Variants in CWC27 observed in about 807,000 individuals in gnomAD.
The protein encoded by CWC27 is spliceosome-associated protein CWC27 homolog.
CWC27 carries 47 observed loss-of-function variants against 63.6 expected under a neutral mutation model. The observed-to-expected ratio is 0.74, with a 90% CI of 0.58 to 0.94. The LOEUF (loss-of-function observed/expected upper bound fraction) is 0.94. Among genes scored for constraint, CWC27 ranks in the 40% least tolerant of loss-of-function variants. CWC27 has a pLI of 0.00. For synonymous variants in CWC27, 175 were observed against 179.8 expected (o/e 0.97, Z 0.22); for missense variants, 495 against 554.3 (o/e 0.89, Z 1.07).
chr5:64,954,679 A>G (rs1277458150), intron 11 of CWC27, among the ~76,000 whole-genome samples: 1 of 135,704 alleles, frequency 7.4e-6, no homozygotes, highest in Non-Finnish European at 1.5e-5. Flanking sequence ...GCTTCTACCT[A>G]TAACATATAT....
intron 11 of CWC27, among the ~76,000 whole-genome samples, chr5:64,908,640 G>C (rs7737812): frequency 0.095 from 14,442 of 152,132 alleles, 2,095 homozygotes; most frequent in African/African-American, 0.31. Context: ...CTATGTAATG[G>C]CCTTCTTTGT....
intron 10 of CWC27, among the ~76,000 whole-genome samples, chr5:64,838,065 C>G (rs1305210156): frequency 2.0e-5 from 3 of 152,122 alleles, no homozygotes; most frequent in Non-Finnish European, 1.5e-5. Flanking sequence ...TAGTGTTGGT[C>G]ATATAGTTGA....
At position 64,769,279 on chromosome 5, in the gene CWC27, TG is replaced by T. The variant is rs1743153031; in HGVS notation, c.42+93del. On this transcript the variant is annotated intron_variant, in intron 1 of 13. Transcript: ENST00000381070. ...GTGGGGAGTGGGTTTCAGGATCTCGTGGTAGGAAGAGACCACGAGAAGTGTT... is the reference window on the plus strand; with the variant it reads ...GTGGGGAGTGGGTTTCAGGATCTCGTGTAGGAAGAGACCACGAGAAGTGTT... The T allele has an allele frequency of 3.5e-6, 4 of 1,149,460 alleles. No individual in the cohort carries two copies. In the East Asian group the frequency reaches 9.4e-5, roughly 27 times the overall value. 71.2% of individuals were successfully genotyped at this position (1,149,460 alleles called of 1,614,324 possible).
intron 11 of CWC27, among the ~76,000 whole-genome samples, chr5:64,964,745 C>A (rs1748981404): frequency 6.6e-6 from 1 of 152,102 alleles, no homozygotes; most frequent in Non-Finnish European, 1.5e-5. Flanking sequence ...TAATAGACAA[C>A]CCTTAAAATA....
intron 10 of CWC27, among the ~76,000 whole-genome samples, chr5:64,863,542 C>T (rs1265816563): frequency 1.3e-5 from 2 of 151,986 alleles, no homozygotes; most frequent in Non-Finnish European, 2.9e-5. Context: ...TTTCCCAAGC[C>T]GGAATGCAGT....
intron 2 of CWC27, among the ~76,000 whole-genome samples, chr5:64,780,232 T>C (rs1435153617): frequency 1.3e-5 from 2 of 152,132 alleles, no homozygotes; most frequent in Admixed American, 1.3e-4. Flanking sequence ...CATGTATGAG[T>C]ATTTCATTCC....
intron 2 of CWC27, among the ~76,000 whole-genome samples, chr5:64,777,996 T>C (rs1743519328): frequency 6.6e-6 from 1 of 152,056 alleles, no homozygotes; most frequent in South Asian, 2.1e-4. Context: ...GGAATATAAC[T>C]AGGAAAATCA....
At chr5:64,955,093 C>A (rs966066352) in intron 11 of CWC27, among the ~76,000 whole-genome samples, 1 of 152,002 alleles carries the variant, frequency 6.6e-6, no homozygotes, top group Non-Finnish European at 1.5e-5. Context: ...AATATGATAT[C>A]TACTCCCTGC....
At chr5:64,915,602 T>C (rs1747874340) in intron 11 of CWC27, among the ~76,000 whole-genome samples, 1 of 152,134 alleles carries the variant, frequency 6.6e-6, no homozygotes, top group Non-Finnish European at 1.5e-5. Context: ...ATGCATTAGA[T>C]ACTTTTATCC....
chr5:64,949,627 T>A (rs1748666683), intron 11 of CWC27, among the ~76,000 whole-genome samples: 1 of 152,048 alleles, frequency 6.6e-6, no homozygotes, highest in South Asian at 2.1e-4. Flanking sequence ...AGGCCCTATA[T>A]GGGCTATAAT....
At chr5:64,887,282 A>G (rs1747097691) in intron 11 of CWC27, among the ~76,000 whole-genome samples, 1 of 152,192 alleles carries the variant, frequency 6.6e-6, no homozygotes. Flanking sequence ...ATAGGTAGGT[A>G]AAGACATTAG....
At chr5:64,988,025 T>G (rs1749467873) in intron 13 of CWC27, among the ~76,000 whole-genome samples, 1 of 152,192 alleles carries the variant, frequency 6.6e-6, no homozygotes, top group Non-Finnish European at 1.5e-5. Context: ...CCTCAACACA[T>G]TCCTTCTTCT....
Position 64,896,492 on chromosome 5 carries a change from G to A in CWC27, c.1042+10946G>A, listed in dbSNP as rs1214261275. On this transcript the variant is annotated intron_variant, in intron 11 of 13. Transcript: ENST00000381070. ...ACAACATAGTATATAACTTTGGTGA[G>A]CAGGTAAAGGGTGCTCGGAAAAGCA... Among the ~76,000 whole-genome samples the A allele has an allele frequency of 5.9e-5, 9 of 152,254 alleles. No homozygotes were observed. The East Asian group carries it at 1.7e-3, about 29-fold the overall frequency.
intron 10 of CWC27, among the ~76,000 whole-genome samples, chr5:64,867,166 C>A (rs537723542): frequency 6.6e-6 from 1 of 152,032 alleles, no homozygotes; most frequent in Admixed American, 6.6e-5. Context: ...AAGAAAGCAA[C>A]CTCAGGAAGT....
At chr5:64,966,308 CTG>C (rs1419618139) in intron 11 of CWC27, among the ~76,000 whole-genome samples, 3 of 152,106 alleles carry the variant, frequency 2.0e-5, no homozygotes, top group African/African-American at 4.8e-5. Flanking sequence ...GTGCAAGAGT[CTG>C]TGATATCCTT....
At chr5:64,845,579 A>G (rs1212822654) in intron 10 of CWC27, among the ~76,000 whole-genome samples, 2 of 152,214 alleles carry the variant, frequency 1.3e-5, no homozygotes, top group Admixed American at 6.5e-5. Context: ...GAGGAATACA[A>G]TGACTGAACT....
intron 4 of CWC27, 55 bp from the exon 5 acceptor site, chr5:64,785,426 A>G: frequency 1.2e-6 from 1 of 806,502 alleles, no homozygotes. Context: ...GTTTTCTCTT[A>G]ATTCAAAGGA....
intron 11 of CWC27, among the ~76,000 whole-genome samples, chr5:64,921,620 T>C (rs1395626938): frequency 6.6e-6 from 1 of 152,212 alleles, no homozygotes; most frequent in Non-Finnish European, 1.5e-5. Context: ...ATCTTGCCAA[T>C]CTGTGCCTTT....
chr5:65,003,038 T>C (rs1412002178), intron 13 of CWC27, among the ~76,000 whole-genome samples: 1 of 152,246 alleles, frequency 6.6e-6, no homozygotes, highest in Admixed American at 6.5e-5. Context: ...CTTTCTATAA[T>C]GACCTTTGTT....
Sources: allele counts gnomAD v4.1 joint callset (sites outside exome capture counted in the v4.1 genomes callset), GRCh38; gene constraint gnomAD v4.1.1; transcripts MANE v1.5; gene names NCBI Gene and HGNC (gene_info 2026-07-23, HGNC 2026-07-21).